EXOG: variants seen among roughly 807,000 people sequenced by gnomAD.
EXOG encodes the protein exo/endonuclease G, also known as nuclease EXOG, mitochondrial.
In EXOG, 27 loss-of-function variants were observed where a neutral mutation model predicts 25.8. The ratio of observed to expected loss-of-function variants is 1.05; its 90% CI spans 0.77 to 1.45. The LOEUF (loss-of-function observed/expected upper bound fraction) is 1.45, where lower values mean the gene tolerates loss of function less well. EXOG is among the 40% of genes most tolerant of loss of function. EXOG has a pLI of 0.00. For missense variants in EXOG, 458 were observed against 450.5 expected, an observed-to-expected ratio of 1.02 and a Z score of -0.15; for synonymous variants, 133 against 167.0, an observed-to-expected ratio of 0.80 and a Z score of 1.57.
chr3:38,496,554 C>T lies in EXOG; in HGVS notation c.163+24C>T, dbSNP rs779464079. ...TGGTAAGTCTGTGGGCCCGTCCTCC[C>T]TTCGCTGGCCCAGATTTCGGGCTCC... On this transcript the variant is annotated intron_variant, in intron 1 of 5. Transcript: ENST00000287675. 8 of 1,596,656 alleles carry T rather than the reference C, an allele frequency of 5.0e-6. No individual in the cohort carries two copies. In the South Asian group the frequency reaches 7.8e-5, roughly 16 times the overall value.
At chr3:38,519,657 C>CTCA (rs1326448513) in intron 5 of EXOG, among the ~76,000 whole-genome samples, 1 of 152,050 alleles carries the variant, frequency 6.6e-6, no homozygotes, top group Non-Finnish European at 1.5e-5. Flanking sequence ...TCTCCCTACC[C>CTCA]TCACCCTAAA....
chr3:38,502,123 G>A (rs1208784062), intron 3 of EXOG, among the ~76,000 whole-genome samples: 2 of 152,094 alleles, frequency 1.3e-5, no homozygotes, highest in Non-Finnish European at 2.9e-5. Flanking sequence ...GTTTCACCAC[G>A]TTGGCCAGGC....
intron 5 of EXOG, among the ~76,000 whole-genome samples, chr3:38,517,876 TTA>T (rs1575665482): frequency 6.6e-6 from 1 of 152,230 alleles, no homozygotes; most frequent in East Asian, 1.9e-4. Context: ...TTTTATATAT[TTA>T]TGTTTTTCAC....
rs117651098 is a variant in EXOG, at chr3:38,517,727, G to C, written c.646-6174G>C. Among the ~76,000 whole-genome samples the C allele has an allele frequency of 6.2e-4, 94 of 152,330 alleles. 3 individuals carry two copies. In the East Asian group the frequency reaches 0.017, roughly 28 times the overall value. ...TTCAAAACAGGGATTGACAGACACT[G>C]GTCATTAGGAAAGCAGTTCACTGTG... On this transcript the variant is annotated intron_variant, in intron 5 of 5. Coordinates refer to ENST00000287675, the MANE Select transcript of EXOG (RefSeq NM_005107.4).
Position 38,508,810 on chromosome 3 carries a change from A to G in EXOG, c.645+1842A>G, listed in dbSNP as rs182038790. On this transcript the variant is annotated intron_variant, in intron 5 of 5. Coordinates refer to ENST00000287675, the MANE Select transcript of EXOG (RefSeq NM_005107.4). ...TAGATCAGATGTGCAGTAATGTCCAAGCATCCAAGGATTTGTATAGGTCCA... is the reference window on the plus strand; with the variant it reads ...TAGATCAGATGTGCAGTAATGTCCAGGCATCCAAGGATTTGTATAGGTCCA... Among the ~76,000 whole-genome samples the G allele has an allele frequency of 1.9e-3, 294 of 152,008 alleles. 6 individuals are homozygous for G. The highest frequency in any genetic ancestry group is 0.018 in the Admixed American group (271 of 15,250).
chr3:38,512,555 A>G (rs1482924219), intron 5 of EXOG, among the ~76,000 whole-genome samples: 2 of 152,180 alleles, frequency 1.3e-5, no homozygotes, highest in Non-Finnish European at 2.9e-5. Flanking sequence ...TGCTAGTCAT[A>G]TATACTTAAT....
At chr3:38,501,610 T>G in intron 3 of EXOG, 116 bp downstream of exon 3, 1 of 812,416 alleles carries the variant, frequency 1.2e-6, no homozygotes, top group East Asian at 2.5e-5. Context: ...TTCCATACTC[T>G]TATTTTTCTT....
intron 5 of EXOG, chr3:38,523,082 A>T (rs2060771071): frequency 3.9e-6 from 2 of 514,292 alleles, no homozygotes; most frequent in Non-Finnish European, 6.9e-6. Flanking sequence ...GGAGATGGTA[A>T]TGTTGACTTG....
In EXOG at chr3:38,505,375, G is replaced by A. The variant is rs2060172090; in HGVS notation, c.531-1479G>A. ...ATTTGCTGATCGCATACCTGTGGAAGCATTTAACATTTTCTTTTCCCAAGA... is the reference window on the plus strand; with the variant it reads ...ATTTGCTGATCGCATACCTGTGGAAACATTTAACATTTTCTTTTCCCAAGA... On this transcript the variant is annotated intron_variant, in intron 4 of 5. Coordinates refer to ENST00000287675, the MANE Select transcript of EXOG (RefSeq NM_005107.4). The A allele has an allele frequency of 2.0e-5, 3 of 151,834 alleles. 1 individual carries two copies. The highest frequency in any genetic ancestry group is 4.2e-4 in the South Asian group (2 of 4,818). The allele number at this position is 151,834 out of a possible 1,614,324, so 9.4% of individuals were successfully genotyped here.
At chr3:38,504,522 G>A (rs1289279120) in intron 4 of EXOG, among the ~76,000 whole-genome samples, 1 of 151,858 alleles carries the variant, frequency 6.6e-6, no homozygotes, top group African/African-American at 2.4e-5. Flanking sequence ...TACAACCTCC[G>A]CCTCCCGGGT....
At chr3:38,512,196 A>C (rs2060391110) in intron 5 of EXOG, among the ~76,000 whole-genome samples, 1 of 152,202 alleles carries the variant, frequency 6.6e-6, no homozygotes, top group Admixed American at 6.5e-5. Context: ...CATGGCATTA[A>C]AGTCATAACT....
At chr3:38,523,043 T>TA (rs1289047877) in intron 5 of EXOG, 1 of 400,328 alleles carries the variant, frequency 2.5e-6, no homozygotes, top group Admixed American at 3.4e-5. Flanking sequence ...AATTTAATTT[T>TA]AAAAATTAGC....
chr3:38,503,251 G>A (rs988402887), intron 3 of EXOG, among the ~76,000 whole-genome samples: 1 of 152,208 alleles, frequency 6.6e-6, no homozygotes, highest in East Asian at 1.9e-4. Flanking sequence ...TGTTTGTACT[G>A]TACTAAAATA....
chr3:38,506,918 T>C lies in EXOG; in HGVS notation c.595T>C (p.Leu199=). The change falls in exon 5 of 6, where the codon TTG becomes CTG. Residue 199 remains leucine, a synonymous_variant. Coordinates refer to ENST00000287675, the MANE Select transcript of EXOG (RefSeq NM_005107.4). ...AGATGTTTGGGTGGTATCTGGGCCT[T>C]TGACCTTACCTCAGACTAGAGGCGA... ...FEDVWVVSGP[L]TLPQTRGDGK... is the part of the protein sequence containing the mutation. 1 of 1,605,062 alleles carries C rather than the reference T, an allele frequency of 6.2e-7. No homozygotes were observed. Among genetic ancestry groups the C allele is most frequent in the South Asian group, 1.1e-5 (1 of 90,870 alleles).
chr3:38,505,942 T>G (rs1315160597), intron 4 of EXOG, among the ~76,000 whole-genome samples: 1 of 146,146 alleles, frequency 6.8e-6, no homozygotes, highest in Non-Finnish European at 1.5e-5. Context: ...TGAGTGAGAC[T>G]CCGTCTCAAA....
Position 38,501,418 on chromosome 3 carries a change from C to G in EXOG, c.377C>G (p.Ala126Gly), listed in dbSNP as rs765498225. The change falls in exon 3 of 6, where the codon GCC (alanine) becomes GGC (glycine). Residue 126 changes from alanine to glycine, a missense_variant. By Grantham distance (60) the Ala-to-Gly change is moderately conservative. This residue lies in a region of EXOG where 275 missense variants were observed against 230.5 expected (regional missense o/e 1.19). Coordinates refer to ENST00000287675, the MANE Select transcript of EXOG (RefSeq NM_005107.4). Reference sequence around the variant, plus strand: ...CCCAATATCCCTCCAACCTTCAGTGCCTTCAATGAAGATTATGTTGGAAGT... The same window carrying G: ...CCCAATATCCCTCCAACCTTCAGTGGCTTCAATGAAGATTATGTTGGAAGT... ...PDPNIPPTFS[A>G]FNEDYVGSGW... 1.2e-6 allele frequency: 2 copies of G among 1,611,158 alleles called. No individual in the cohort carries two copies. Among genetic ancestry groups the G allele is most frequent in the African/African-American group, 2.7e-5 (2 of 74,838 alleles).
intron 5 of EXOG, among the ~76,000 whole-genome samples, chr3:38,521,778 G>A (rs1575676033): frequency 6.6e-6 from 1 of 152,292 alleles, no homozygotes; most frequent in East Asian, 1.9e-4. Context: ...CATTCTACCT[G>A]TAGTGAAAGC....
intron 5 of EXOG, among the ~76,000 whole-genome samples, chr3:38,514,758 C>A (rs2060479922): frequency 9.4e-6 from 1 of 105,854 alleles, no homozygotes; most frequent in Non-Finnish European, 1.7e-5. Context: ...CTCTTTTCCA[C>A]CCTCCCCCCC....
intron 1 of EXOG, 175 bp downstream of exon 1, chr3:38,496,705 T>C: frequency 1.4e-6 from 2 of 1,443,294 alleles, no homozygotes; most frequent in Non-Finnish European, 9.1e-7. Context: ...CCACCTCGCG[T>C]CTCGCCAGCT....
Sources: allele counts gnomAD v4.1 joint callset (sites outside exome capture counted in the v4.1 genomes callset), GRCh38; gene constraint gnomAD v4.1.1; regional missense constraint gnomAD v4.1.1; transcripts MANE v1.5; gene names NCBI Gene and HGNC (gene_info 2026-07-23, HGNC 2026-07-21).